Variants in PHYHIPL observed in about 807,000 individuals in gnomAD.
PHYHIPL encodes the protein phytanoyl-CoA hydroxylase-interacting protein-like.
PHYHIPL carries 9 observed loss-of-function variants against 33.4 expected under a neutral mutation model. The ratio of observed to expected loss-of-function variants is 0.27; its 90% CI spans 0.16 to 0.47. The LOEUF is 0.47. PHYHIPL is among the 20% of genes least tolerant of loss of function. The pLI, the probability that PHYHIPL is intolerant of heterozygous loss-of-function variation, is 0.99. For synonymous variants in PHYHIPL, 153 were observed against 154.1 expected, an observed-to-expected ratio of 0.99 and a Z score of 0.05; for missense variants, 365 against 460.7, an observed-to-expected ratio of 0.79 and a Z score of 1.90.
chr10:59,218,648 A>G (rs1839680420), intron 1 of PHYHIPL, among the ~76,000 whole-genome samples: 1 of 152,084 alleles, frequency 6.6e-6, no homozygotes, highest in Non-Finnish European at 1.5e-5. Flanking sequence ...ATAGGGCTGG[A>G]TTCATATATT....
chr10:59,237,832 T>C (rs910103779), intron 3 of PHYHIPL, among the ~76,000 whole-genome samples: 28 of 152,032 alleles, frequency 1.8e-4, no homozygotes, highest in Admixed American at 1.4e-3. Context: ...TTCTCTTAGA[T>C]TGTCAGTTCT....
intron 1 of PHYHIPL, among the ~76,000 whole-genome samples, chr10:59,198,705 C>T (rs986691489): frequency 9.9e-5 from 15 of 151,984 alleles, no homozygotes; most frequent in African/African-American, 3.6e-4. Flanking sequence ...TCCACATCCT[C>T]TCCAGCACCT....
chr10:59,199,639 C>A (rs981899889), intron 1 of PHYHIPL, among the ~76,000 whole-genome samples: 15 of 152,234 alleles, frequency 9.9e-5, no homozygotes, highest in African/African-American at 3.6e-4. Flanking sequence ...CTATAAATTA[C>A]CTTGGGCAGT....
intron 1 of PHYHIPL, among the ~76,000 whole-genome samples, chr10:59,203,150 A>G (rs1278729237): frequency 6.6e-6 from 1 of 152,198 alleles, no homozygotes; most frequent in East Asian, 1.9e-4. Context: ...TATGCAGCCA[A>G]CAGACACATG....
chr10:59,176,582 G>T (rs1461893752), upstream of PHYHIPL: 27 of 247,552 alleles, frequency 1.1e-4, no homozygotes, highest in African/African-American at 6.6e-4. Flanking sequence ...CGAGAGCAGC[G>T]TCCCCTCCCC....
At position 59,176,772 on chromosome 10, in the gene PHYHIPL, C is replaced by T. The variant is rs111915555; in HGVS notation, c.-82C>T. On this transcript the variant is annotated 5_prime_UTR_variant, in exon 1 of 5. Coordinates refer to ENST00000373880, the MANE Select transcript of PHYHIPL (RefSeq NM_032439.4). ...CTTCCCTCCCTCTGCCACTCCCCCT[C>T]CCTTTCCCGCTCTTCTTGCCCACCC... 1.5e-4 allele frequency: 189 copies of T among 1,280,370 alleles called. No homozygotes were observed. The African/African-American group carries it at 2.5e-3, about 17-fold the overall frequency. The allele number at this position is 1,280,370 out of a possible 1,614,324, so 79.3% of individuals were successfully genotyped here.
chr10:59,185,455 T>C (rs1193677108), intron 1 of PHYHIPL, among the ~76,000 whole-genome samples: 1 of 152,164 alleles, frequency 6.6e-6, no homozygotes, highest in Non-Finnish European at 1.5e-5. Context: ...AGCAGCATGA[T>C]TTATAATCCT....
chr10:59,219,986 A>G (rs964268500), intron 1 of PHYHIPL, among the ~76,000 whole-genome samples: 1 of 152,098 alleles, frequency 6.6e-6, no homozygotes, highest in African/African-American at 2.4e-5. Flanking sequence ...CTATAATAGT[A>G]AAGGAGCAGC....
chr10:59,221,369 G>T (rs1839769750), intron 1 of PHYHIPL, among the ~76,000 whole-genome samples: 1 of 151,912 alleles, frequency 6.6e-6, no homozygotes, highest in Non-Finnish European at 1.5e-5. Flanking sequence ...TAAGAGCAAT[G>T]ACTAAAAATA....
intron 1 of PHYHIPL, among the ~76,000 whole-genome samples, chr10:59,212,620 C>A (rs1022203131): frequency 2.0e-5 from 3 of 152,116 alleles, no homozygotes; most frequent in Non-Finnish European, 4.4e-5. Context: ...TTTTTCTGTC[C>A]ATAAATCCTC....
chr10:59,200,050 C>A (rs1203638382), intron 1 of PHYHIPL, among the ~76,000 whole-genome samples: 1 of 152,126 alleles, frequency 6.6e-6, no homozygotes, highest in African/African-American at 2.4e-5. Flanking sequence ...CCCTTTATTT[C>A]TTTCTCTTGC....
At chr10:59,231,316 A>G (rs969845058) in intron 1 of PHYHIPL, among the ~76,000 whole-genome samples, 2 of 152,096 alleles carry the variant, frequency 1.3e-5, no homozygotes, top group South Asian at 4.1e-4. Context: ...TTTGCCCCTC[A>G]AGGAAAAAAA....
intron 1 of PHYHIPL, among the ~76,000 whole-genome samples, chr10:59,194,087 T>TC (rs1838848645): frequency 6.7e-6 from 1 of 148,548 alleles, no homozygotes. Flanking sequence ...TATGTTTTTT[T>TC]TTTTTTTTTT....
At chr10:59,182,417 A>C in intron 1 of PHYHIPL, among the ~76,000 whole-genome samples, 1 of 152,054 alleles carries the variant, frequency 6.6e-6, no homozygotes, top group Admixed American at 6.6e-5. Flanking sequence ...GTCTTGGCTC[A>C]CTGCAACCTC....
chr10:59,238,278 G>C (rs1242014329), intron 3 of PHYHIPL, among the ~76,000 whole-genome samples: 1 of 151,842 alleles, frequency 6.6e-6, no homozygotes, highest in Non-Finnish European at 1.5e-5. Context: ...CTAGTATGGT[G>C]CTAATGGATA....
chr10:59,188,505 A>G (rs1223246921), intron 1 of PHYHIPL, among the ~76,000 whole-genome samples: 2 of 152,104 alleles, frequency 1.3e-5, no homozygotes, highest in African/African-American at 4.8e-5. Context: ...AGCTGAGTTC[A>G]ATTTCTGGAT....
At position 59,176,908 on chromosome 10, in the gene PHYHIPL, G is replaced by C; in HGVS notation, c.55G>C (p.Glu19Gln). ...ALNSPTSPCE[E>Q]VIKNLSLEAI... is the part of the protein sequence containing the mutation. ...CAACAGCCCCACCAGCCCCTGTGAG[G>C]AGGTGATCAAAAACCTCAGCCTGGA... Residue 19 changes from glutamate (E) to glutamine (Q), a missense_variant, in exon 1 of 5, where the codon GAG becomes CAG. Around this residue, in one of 4 missense-constraint regions of PHYHIPL, gnomAD observed 89 missense variants for 78.3 expected, o/e 1.14. Coordinates refer to ENST00000373880, the MANE Select transcript of PHYHIPL (RefSeq NM_032439.4). 1 of 1,613,792 alleles carries C rather than the reference G, an allele frequency of 6.2e-7. No individual in the cohort carries two copies. Among genetic ancestry groups the C allele is most frequent in the Non-Finnish European group, 8.5e-7 (1 of 1,179,862 alleles).
intron 1 of PHYHIPL, among the ~76,000 whole-genome samples, chr10:59,214,102 G>GA (rs1387811246): frequency 6.6e-6 from 1 of 152,044 alleles, no homozygotes; most frequent in Non-Finnish European, 1.5e-5. Context: ...AAATTTAATT[G>GA]AAATTGATAA....
At position 59,232,662 on chromosome 10, in the gene PHYHIPL, C is replaced by T. The variant is rs143899615; in HGVS notation, c.107-1642C>T. On this transcript the variant is annotated intron_variant, in intron 1 of 4. Coordinates refer to ENST00000373880, the MANE Select transcript of PHYHIPL (RefSeq NM_032439.4). The stretch of plus-strand genomic sequence containing the variant: ...TGCAAAATAGCTTTATTTTTATCTA[C>T]ATGATCCTAAATAACAATTGTAACT... Among the ~76,000 whole-genome samples the T allele has an allele frequency of 9.7e-4, 148 of 151,940 alleles. 3 individuals carry two copies. The highest frequency in any genetic ancestry group is 3.3e-3 in the African/African-American group (137 of 41,504).
Sources: gnomAD v4.1 joint callset for allele counts (sites outside exome capture counted in the v4.1 genomes callset) on GRCh38, gnomAD v4.1.1 for gene constraint, gnomAD v4.1.1 regional missense constraint, MANE v1.5 for transcripts, NCBI Gene and HGNC (gene_info 2026-07-23, HGNC 2026-07-21) for gene names.